The following FEV variants were observed in gnomAD, a reference collection of about 807,000 sequenced individuals.
FEV encodes the protein protein FEV.
A neutral mutation model predicts 20.5 loss-of-function variants in FEV; 14 were observed. That is an observed-to-expected ratio of 0.68 (90% CI 0.45 to 1.07). FEV has a LOEUF of 1.07. Ranked by LOEUF, FEV falls within the 50% of genes least tolerant of loss-of-function variation. The pLI, the probability that FEV is intolerant of heterozygous loss-of-function variation, is 0.00. For synonymous variants in FEV, 188 were observed against 163.7 expected, an observed-to-expected ratio of 1.15 and a Z score of -1.13; for missense variants, 301 against 345.3, an observed-to-expected ratio of 0.87 and a Z score of 1.02.
rs553689168 is a variant in FEV, at chr2:218,984,264, T to G, written c.94A>C (p.Ser32Arg). The G allele has an allele frequency of 6.2e-7, 1 of 1,602,284 alleles. No individual in the cohort carries two copies. The change falls in exon 2 of 3, where the codon AGC becomes CGC. Residue 32 changes from serine (S) to arginine (R), a missense_variant. By Grantham distance (110) the Ser-to-Arg change is moderately radical (BLOSUM62 -1). Coordinates refer to ENST00000295727, the MANE Select transcript of FEV (RefSeq NM_017521.3). The surrounding 1 kb of genome is among the most constrained non-coding windows in gnomAD (Gnocchi z 5.0). Reference protein sequence around the residue: ...DGLFKDGKNPSWGPLSPAVQK... With the variant: ...DGLFKDGKNPRWGPLSPAVQK... ...ACCGCGGGGCTCAGCGGCCCCCAGCTCGGGTTCTTCCCGTCCTTGAAGAGA... is the reference window on the plus strand; with the variant it reads ...ACCGCGGGGCTCAGCGGCCCCCAGCGCGGGTTCTTCCCGTCCTTGAAGAGA...
rs760778914 is a variant in FEV at position 218,982,062 on chromosome 2, A to G, written c.322T>C (p.Tyr108His). The G allele has an allele frequency of 1.9e-6, 3 of 1,613,832 alleles. No homozygotes were observed. The highest frequency in any genetic ancestry group is 2.5e-6 in the Non-Finnish European group (3 of 1,179,856). Residue 108 changes from tyrosine (Y) to histidine (H), a missense_variant, in exon 3 of 3, where the codon TAC (tyrosine) becomes CAC (histidine). Coordinates refer to ENST00000295727, the MANE Select transcript of FEV (RefSeq NM_017521.3). ...YDKLSRALRY[Y>H]YDKNIMSKVH... ...TTGCTCATGATGTTCTTGTCGTAGT[A>G]GTAGCGCAGGGCGCGGCTCAGCTTG...
chr2:218,981,625 T>A lies in FEV; in HGVS notation c.*42A>T. 7.9e-7 allele frequency: 1 copy of A among 1,269,826 alleles called. No individual in the cohort carries two copies. Among genetic ancestry groups the A allele is most frequent in the East Asian group, 3.1e-5 (1 of 31,920 alleles). 78.7% of individuals were successfully genotyped at this position (1,269,826 alleles called of 1,614,324 possible). A position where few individuals can be genotyped will look rare whatever the true frequency, so the allele number is the denominator to read the frequency against. Reference sequence around the variant, plus strand: ...GGATGCCGATGGGATCGGGCGAGACTCTAGGCGTGCGGGCGAGGCCGCAGG... The same window carrying A: ...GGATGCCGATGGGATCGGGCGAGACACTAGGCGTGCGGGCGAGGCCGCAGG... On this transcript the variant is annotated 3_prime_UTR_variant, in exon 3 of 3. Transcript: ENST00000295727. The surrounding 1 kb of genome is among the most constrained non-coding windows in gnomAD (Gnocchi z 4.5).
At position 218,981,543 on chromosome 2, in the gene FEV, A is replaced by T; in HGVS notation, c.*124T>A. 4.2e-6 allele frequency: 3 copies of T among 710,052 alleles called. No individual in the cohort carries two copies. The highest frequency in any genetic ancestry group is 7.2e-5 in the South Asian group (1 of 13,822). 44.0% of individuals were successfully genotyped at this position (710,052 alleles called of 1,614,324 possible). A position where few individuals can be genotyped will look rare whatever the true frequency, so the allele number is the denominator to read the frequency against. ...GTCCCGTCCCCCTGCTAAGTGCGGC[A>T]GGTGGAGTAAACTCTGGATTAGAGG... On this transcript the variant is annotated 3_prime_UTR_variant, in exon 3 of 3. Transcript: ENST00000295727. This position sits in a 1 kb window ranked among gnomAD's most constrained non-coding sequence, Gnocchi z 4.5.
Position 218,985,177 on chromosome 2 carries a change from G to A in FEV, c.-102C>T. On this transcript the variant is annotated 5_prime_UTR_variant, in exon 1 of 3. Transcript: ENST00000295727. ...CGATCCCCGCCCGAAGCGACCGCGG[G>A]TGACAAGGAGGAGAAGACGGCGCCG... 4 of 876,376 alleles carry A rather than the reference G, an allele frequency of 4.6e-6. No homozygotes were observed. The highest frequency in any genetic ancestry group is 2.9e-5 in the Admixed American group (1 of 33,958). The allele number at this position is 876,376 out of a possible 1,614,324, so 54.3% of individuals were successfully genotyped here. A position where few individuals can be genotyped will look rare whatever the true frequency, so the allele number is the denominator to read the frequency against.
chr2:218,983,289 C>G (rs1224262374), intron 2 of FEV, among the ~76,000 whole-genome samples: 1 of 152,196 alleles, frequency 6.6e-6, no homozygotes, highest in Non-Finnish European at 1.5e-5. Context: ...TACCCCCACT[C>G]CCTTTTAGAA....
rs1336896518 is a variant in FEV, at chr2:218,984,189, A to G, written c.127+42T>C. On this transcript the variant is annotated intron_variant, in intron 2 of 2. Coordinates refer to ENST00000295727, the MANE Select transcript of FEV (RefSeq NM_017521.3). The surrounding 1 kb of genome is among the most constrained non-coding windows in gnomAD (Gnocchi z 5.0). ...TACTGTCCGCCTGTGCCCTGACCCC[A>G]ACCAACCTCGCCTCCGCCGCCCAGC... 1 of 1,553,788 alleles carries G rather than the reference A, an allele frequency of 6.4e-7. No individual in the cohort carries two copies. Among genetic ancestry groups the G allele is most frequent in the South Asian group, 1.2e-5 (1 of 84,178 alleles).
Position 218,984,219 on chromosome 2 carries a change from C to T in FEV, c.127+12G>A, listed in dbSNP as rs1478973611. 1.9e-6 allele frequency: 3 copies of T among 1,583,690 alleles called. No individual in the cohort carries two copies. Among genetic ancestry groups the T allele is most frequent in the Non-Finnish European group, 8.6e-7 (1 of 1,165,092 alleles). On this transcript the variant is annotated intron_variant, in intron 2 of 2. Coordinates refer to ENST00000295727, the MANE Select transcript of FEV (RefSeq NM_017521.3). This position sits in a 1 kb window ranked among gnomAD's most constrained non-coding sequence, Gnocchi z 5.0. ...ACCTCGCCTCCGCCGCCCAGCGCGC[C>T]GGCCATCTCACCTTTCTGAACCGCG...
At position 218,984,982 on chromosome 2, in the gene FEV, C is replaced by T. The variant is rs770089320; in HGVS notation, c.52+42G>A. 2.9e-5 allele frequency: 45 copies of T among 1,532,020 alleles called. No homozygotes were observed. Among genetic ancestry groups the T allele is most frequent in the Non-Finnish European group, 3.8e-5 (43 of 1,129,924 alleles). 94.9% of individuals were successfully genotyped at this position (1,532,020 alleles called of 1,614,324 possible). A position where few individuals can be genotyped will look rare whatever the true frequency, so the allele number is the denominator to read the frequency against. On this transcript the variant is annotated intron_variant, in intron 1 of 2. Coordinates refer to ENST00000295727, the MANE Select transcript of FEV (RefSeq NM_017521.3). This position sits in a 1 kb window ranked among gnomAD's most constrained non-coding sequence, Gnocchi z 5.0. ...CCATGCCTGAGCCTAGACTTCCCGC[C>T]CCAGGTTCCGGTGCCACCAGCCTCC... is the stretch of plus-strand genomic sequence containing the variant.
At position 218,984,991 on chromosome 2, in the gene FEV, CGGTGCCACCAGCCTCCGGCT is replaced by C. The variant is rs1302622606; in HGVS notation, c.52+13_52+32del. On this transcript the variant is annotated intron_variant, in intron 1 of 2. Coordinates refer to ENST00000295727, the MANE Select transcript of FEV (RefSeq NM_017521.3). The surrounding 1 kb of genome is among the most constrained non-coding windows in gnomAD (Gnocchi z 5.0). ...AGCCTAGACTTCCCGCCCCAGGTTC[CGGTGCCACCAGCCTCCGGCT>C]GGTCCCTGGTACCTGGCAGGTACAT... The C allele has an allele frequency of 8.4e-6, 13 of 1,545,014 alleles. No homozygotes were observed. The highest frequency in any genetic ancestry group is 1.7e-4 in the Middle Eastern group (1 of 6,002).
chr2:218,982,538 G>T (rs1945400861), intron 2 of FEV, among the ~76,000 whole-genome samples: 1 of 152,108 alleles, frequency 6.6e-6, no homozygotes, highest in Non-Finnish European at 1.5e-5. Flanking sequence ...GGGGTTGGGG[G>T]GAAGGGGAAG....
In FEV at chr2:218,982,084, C is replaced by G. The variant is rs1414136918; in HGVS notation, c.300G>C (p.Lys100Asn). 1 of 1,613,886 alleles carries G rather than the reference C, an allele frequency of 6.2e-7. No homozygotes were observed. Among genetic ancestry groups the G allele is most frequent in the Non-Finnish European group, 8.5e-7 (1 of 1,179,886 alleles). Reference protein sequence around the residue: ...RKSKPNMNYDKLSRALRYYYD... With the variant: ...RKSKPNMNYDNLSRALRYYYD... ...AGTAGTAGCGCAGGGCGCGGCTCAG[C>G]TTGTCGTAGTTCATGTTGGGCTTGC... The change falls in exon 3 of 3, where the codon AAG becomes AAC. Residue 100 changes from lysine (K) to asparagine (N), a missense_variant. Lys to Asn is a moderately conservative substitution (Grantham distance 94). Transcript: ENST00000295727.
At chr2:218,983,550 C>A (rs566865320) in intron 2 of FEV, among the ~76,000 whole-genome samples, 2 of 152,184 alleles carry the variant, frequency 1.3e-5, no homozygotes, top group Non-Finnish European at 2.9e-5. Context: ...GCAACCTCAG[C>A]GGCTTGGATG....
At position 218,984,545 on chromosome 2, in the gene FEV, G is replaced by T. The variant is rs1447043341; in HGVS notation, c.53-240C>A. The T allele has an allele frequency of 4.3e-6, 2 of 466,714 alleles. No individual in the cohort carries two copies. Among genetic ancestry groups the T allele is most frequent in the East Asian group, 7.0e-5 (2 of 28,468 alleles). The allele number at this position is 466,714 out of a possible 1,614,324, so 28.9% of individuals were successfully genotyped here. A position where few individuals can be genotyped will look rare whatever the true frequency, so the allele number is the denominator to read the frequency against. ...AGGAAATCCGCTTTCCGAAGGGGCC[G>T]GCTGGAGCCTTATAAAGCCGAGCGG... is the stretch of plus-strand genomic sequence containing the variant. On this transcript the variant is annotated intron_variant, in intron 1 of 2. Coordinates refer to ENST00000295727, the MANE Select transcript of FEV (RefSeq NM_017521.3). The surrounding 1 kb of genome is among the most constrained non-coding windows in gnomAD (Gnocchi z 5.0).
Position 218,984,966 on chromosome 2 carries a change from A to G in FEV, c.52+58T>C. The G allele has an allele frequency of 1.3e-5, 19 of 1,460,118 alleles. No individual in the cohort carries two copies. The highest frequency in any genetic ancestry group is 1.7e-5 in the Non-Finnish European group (18 of 1,064,178). The allele number at this position is 1,460,118 out of a possible 1,614,324, so 90.4% of individuals were successfully genotyped here. On this transcript the variant is annotated intron_variant, in intron 1 of 2. Coordinates refer to ENST00000295727, the MANE Select transcript of FEV (RefSeq NM_017521.3). The surrounding 1 kb of genome is among the most constrained non-coding windows in gnomAD (Gnocchi z 5.0). ...CCCCAGCACTCTCTTCCCATGCCTG[A>G]GCCTAGACTTCCCGCCCCAGGTTCC...
rs1945428739 is a variant in FEV, at chr2:218,985,129, G to T, written c.-54C>A. 1 of 1,341,278 alleles carries T rather than the reference G, an allele frequency of 7.5e-7. No homozygotes were observed. Among genetic ancestry groups the T allele is most frequent in the African/African-American group, 1.5e-5 (1 of 66,790 alleles). The allele number at this position is 1,341,278 out of a possible 1,614,324, so 83.1% of individuals were successfully genotyped here. ...GGGGGGGACGGGGAAGGGGGGCGAG[G>T]CAGGCTTTGCGCTCGGTGGCACCGA... On this transcript the variant is annotated 5_prime_UTR_variant, in exon 1 of 3. Transcript: ENST00000295727.
intron 2 of FEV, among the ~76,000 whole-genome samples, chr2:218,983,612 G>C (rs994693670): frequency 1.3e-5 from 2 of 152,190 alleles, no homozygotes; most frequent in African/African-American, 4.8e-5. Context: ...CGCCAACCTC[G>C]TTTTTGTGGT....
rs140453834 is a variant in FEV at position 218,984,664 on chromosome 2, G to A, written c.53-359C>T. 6.6e-6 allele frequency among the ~76,000 whole-genome samples: 1 copy of A among 152,318 alleles called. No individual in the cohort carries two copies. The highest frequency in any genetic ancestry group is 1.5e-5 in the Non-Finnish European group (1 of 68,018). ...GTAGCAGGAAGGTGAGGAGCCGTGAGAGCGCAGGGGAGACGCCCGCGGACC... is the reference window on the plus strand; with the variant it reads ...GTAGCAGGAAGGTGAGGAGCCGTGAAAGCGCAGGGGAGACGCCCGCGGACC... On this transcript the variant is annotated intron_variant, in intron 1 of 2. Transcript: ENST00000295727. The surrounding 1 kb of genome is among the most constrained non-coding windows in gnomAD (Gnocchi z 5.0).
Position 218,981,653 on chromosome 2 carries a change from C to T in FEV, c.*14G>A. The T allele has an allele frequency of 2.3e-6, 3 of 1,294,940 alleles. No individual in the cohort carries two copies. The highest frequency in any genetic ancestry group is 2.5e-5 in the South Asian group (1 of 39,220). 80.2% of individuals were successfully genotyped at this position (1,294,940 alleles called of 1,614,324 possible). A position where few individuals can be genotyped will look rare whatever the true frequency, so the allele number is the denominator to read the frequency against. On this transcript the variant is annotated 3_prime_UTR_variant, in exon 3 of 3. Transcript: ENST00000295727. This position sits in a 1 kb window ranked among gnomAD's most constrained non-coding sequence, Gnocchi z 4.5. ...AGGCGTGCGGGCGAGGCCGCAGGCA[C>T]CCGACCGCCCCGTCTAGTGGTAATG...
Position 218,985,006 on chromosome 2 carries a change from C to G in FEV, c.52+18G>C. 6.5e-7 allele frequency: 1 copy of G among 1,550,364 alleles called. No individual in the cohort carries two copies. Among genetic ancestry groups the G allele is most frequent in the Non-Finnish European group, 8.7e-7 (1 of 1,146,032 alleles). The stretch of plus-strand genomic sequence containing the variant: ...CCCCAGGTTCCGGTGCCACCAGCCT[C>G]CGGCTGGTCCCTGGTACCTGGCAGG... On this transcript the variant is annotated intron_variant, in intron 1 of 2. Coordinates refer to ENST00000295727, the MANE Select transcript of FEV (RefSeq NM_017521.3).
Sources: gnomAD v4.1 joint callset for allele counts (sites outside exome capture counted in the v4.1 genomes callset) on GRCh38, gnomAD v4.1.1 for gene constraint, Gnocchi (gnomAD v3.1) non-coding constraint, MANE v1.5 for transcripts, NCBI Gene and HGNC (gene_info 2026-07-23, HGNC 2026-07-21) for gene names.